The following ZNF841 variants were observed in gnomAD, a reference collection of about 807,000 sequenced individuals.
ZNF841 encodes TCONS_00006091.
A neutral mutation model predicts 13.0 loss-of-function variants in ZNF841; 11 were observed. That is an observed-to-expected ratio of 0.85 (90% CI 0.53 to 1.40). ZNF841 has a LOEUF of 1.40. Ranked by LOEUF, ZNF841 falls within the 40% of genes most tolerant of loss-of-function variation. The pLI is 0.00. For missense variants in ZNF841, 1,068 were observed against 1,139.5 expected (o/e 0.94, Z 0.90); for synonymous variants, 369 against 381.6 (o/e 0.97, Z 0.38).
At chr19:52,064,373 A>AC (rs1287374884), downstream of ZNF841, 104 of 130,376 alleles carry the variant, frequency 8.0e-4, 5 homozygotes, top group African/African-American at 4.1e-3. Context: ...AAAAAAAAAA[A>AC]AAAAAAAAAA....
downstream of ZNF841, among the ~76,000 whole-genome samples, chr19:52,060,207 C>A (rs551471520): frequency 1.3e-5 from 2 of 152,356 alleles, no homozygotes; most frequent in East Asian, 3.9e-4. Flanking sequence ...ACCTAAACAA[C>A]TTGCAGTCAA....
intron 4 of ZNF841, 103 bp downstream of exon 4, chr19:52,084,684 G>A: frequency 7.6e-7 from 1 of 1,312,264 alleles, no homozygotes; most frequent in Admixed American, 2.0e-5. Context: ...GCGAGCAAAT[G>A]TGTCAGGCAG....
At chr19:52,090,721 GA>G (rs1330297523) in intron 2 of ZNF841, among the ~76,000 whole-genome samples, 1 of 151,008 alleles carries the variant, frequency 6.6e-6, no homozygotes, top group Non-Finnish European at 1.5e-5. Flanking sequence ...AAGAAAGAAA[GA>G]AAAAAGAAAG....
intron 4 of ZNF841, 66 bp from the exon 5 acceptor site, chr19:52,077,150 G>A (rs1199343421): frequency 1.3e-6 from 2 of 1,505,258 alleles, no homozygotes; most frequent in Non-Finnish European, 1.8e-6. Context: ...AAAATGAGAA[G>A]AGGAGAGAAC....
intron 4 of ZNF841, among the ~76,000 whole-genome samples, chr19:52,077,722 A>C (rs1387913484): frequency 3.3e-5 from 5 of 152,232 alleles, no homozygotes; most frequent in Non-Finnish European, 7.3e-5. Flanking sequence ...ACAGAATCCG[A>C]CAGTTATATT....
downstream of ZNF841, among the ~76,000 whole-genome samples, chr19:52,060,727 C>A (rs560104568): frequency 1.7e-3 from 258 of 152,216 alleles, 2 homozygotes; most frequent in Non-Finnish European, 3.2e-3. Flanking sequence ...AATCCCTGAT[C>A]CCTATGTGTG....
intron 3 of ZNF841, among the ~76,000 whole-genome samples, chr19:52,087,531 G>A (rs967067746): frequency 6.6e-6 from 1 of 152,070 alleles, no homozygotes; most frequent in Non-Finnish European, 1.5e-5. Context: ...CCATGTCCTG[G>A]GAAAGGACAT....
downstream of ZNF841, among the ~76,000 whole-genome samples, chr19:52,063,902 C>G (rs1251842742): frequency 6.6e-6 from 1 of 151,978 alleles, no homozygotes; most frequent in African/African-American, 2.4e-5. Flanking sequence ...TTCTGCCACC[C>G]TCATTTCATT....
chr19:52,073,975 T>A (rs555637613), intron 6 of ZNF841, among the ~76,000 whole-genome samples: 1 of 152,192 alleles, frequency 6.6e-6, no homozygotes. Context: ...AAAATTATGC[T>A]CAAGATATTA....
intron 4 of ZNF841, among the ~76,000 whole-genome samples, chr19:52,080,717 C>T (rs2088070610): frequency 6.6e-6 from 1 of 152,102 alleles, no homozygotes; most frequent in Non-Finnish European, 1.5e-5. Context: ...ATATCAAAGA[C>T]AGACAACAGG....
At chr19:52,068,848 TG>T (rs2087662823) in intron 6 of ZNF841, among the ~76,000 whole-genome samples, 1 of 151,906 alleles carries the variant, frequency 6.6e-6, no homozygotes, top group Non-Finnish European at 1.5e-5. Flanking sequence ...GATGCATGCC[TG>T]TAATCCCAAC....
chr19:52,074,849 C>A (rs1600088925), intron 6 of ZNF841, among the ~76,000 whole-genome samples: 1 of 152,198 alleles, frequency 6.6e-6, no homozygotes, highest in Middle Eastern at 3.4e-3. Flanking sequence ...TCACTGCTAG[C>A]TCAAAAAAGA....
Position 52,083,773 on chromosome 19 carries a change from C to T in ZNF841, c.15+1014G>A, listed in dbSNP as rs999735333. 1.2e-4 allele frequency among the ~76,000 whole-genome samples: 17 copies of T among 147,390 alleles called. No homozygotes were observed. The East Asian group carries it at 1.2e-3, about 10-fold the overall frequency. ...ATAGCAAGGTATAGATAGTAAAAAACTCACGACAGTTTAACAAATTAGTAT... is the reference window on the plus strand; with the variant it reads ...ATAGCAAGGTATAGATAGTAAAAAATTCACGACAGTTTAACAAATTAGTAT... On this transcript the variant is annotated intron_variant, in intron 4 of 6. Coordinates refer to ENST00000594440, the MANE Select transcript of ZNF841 (RefSeq NM_001136499.2).
intron 6 of ZNF841, among the ~76,000 whole-genome samples, chr19:52,074,867 TA>T (rs1257363327): frequency 3.3e-5 from 5 of 152,146 alleles, no homozygotes; most frequent in African/African-American, 1.2e-4. Context: ...AGAGGACCAT[TA>T]GTATATGAGA....
chr19:52,065,800 T>C lies in ZNF841; in HGVS notation c.2082A>G (p.Ser694=). ...GATTTCTGTGATATCTTGCAAGTTT[T>C]GAACTTTGGATAAAAGCCTCACCAA... The part of the protein sequence containing the change: ...NEFGEAFIQS[S]KLARYHRNPT... Residue 694 remains serine (S), a synonymous_variant, in exon 7 of 7, where the codon TCA becomes TCG. Coordinates refer to ENST00000594440, the MANE Select transcript of ZNF841 (RefSeq NM_001136499.2). 1 of 1,612,198 alleles carries C rather than the reference T, an allele frequency of 6.2e-7. No homozygotes were observed. The highest frequency in any genetic ancestry group is 1.3e-5 in the African/African-American group (1 of 75,030).
intron 6 of ZNF841, among the ~76,000 whole-genome samples, chr19:52,071,020 T>C (rs992023084): frequency 6.6e-6 from 1 of 152,096 alleles, no homozygotes; most frequent in African/African-American, 2.4e-5. Context: ...TGAAGAGCTG[T>C]GGGAATAGAA....
At chr19:52,063,738 G>A (rs997576423), downstream of ZNF841, 3 of 152,168 alleles carry the variant, frequency 2.0e-5, no homozygotes, top group Admixed American at 6.5e-5. Context: ...TTGGATGTTC[G>A]GGTAAAAAGT....
chr19:52,067,015 G>A lies in ZNF841; in HGVS notation c.867C>T (p.Tyr289=), dbSNP rs542840603. The A allele has an allele frequency of 2.5e-5, 40 of 1,614,028 alleles. No individual in the cohort carries two copies. In the East Asian group the frequency reaches 8.7e-4, roughly 35 times the overall value. The change falls in exon 7 of 7, where the codon TAC becomes TAT. Residue 289 remains tyrosine, a synonymous_variant. Coordinates refer to ENST00000594440, the MANE Select transcript of ZNF841 (RefSeq NM_001136499.2). ...AGGCTTTACCAGACTCATTGCATCT[G>A]TAAGGTTTCTCTGTAGTATGTATCA... The part of the protein sequence containing the change: ...HQMIHTTEKP[Y]RCNESGKAFH...
chr19:52,072,231 T>C (rs773267018), intron 6 of ZNF841, among the ~76,000 whole-genome samples: 1 of 152,114 alleles, frequency 6.6e-6, no homozygotes, highest in Non-Finnish European at 1.5e-5. Flanking sequence ...TCCACAGTAA[T>C]AATAAGAGAC....
Sources: allele counts gnomAD v4.1 joint callset (sites outside exome capture counted in the v4.1 genomes callset), GRCh38; gene constraint gnomAD v4.1.1; transcripts MANE v1.5; gene names NCBI Gene and HGNC (gene_info 2026-07-23, HGNC 2026-07-21).